The following NCF4 variants were observed in gnomAD, a reference collection of about 807,000 sequenced individuals.
NCF4 encodes the protein neutrophil cytosolic factor 4, also known as neutrophil cytosol factor 4.
In NCF4, 30 loss-of-function variants were observed where a neutral mutation model predicts 41.7. The ratio of observed to expected loss-of-function variants is 0.72; its 90% CI spans 0.54 to 0.97. The LOEUF is 0.97. NCF4 is among the 50% of genes least tolerant of loss of function. The pLI is 0.00. For missense variants in NCF4, 432 were observed against 460.9 expected, an observed-to-expected ratio of 0.94 and a Z score of 0.57; for synonymous variants, 195 against 175.8, an observed-to-expected ratio of 1.11 and a Z score of -0.87.
At position 36,865,529 on chromosome 22, in the gene NCF4, G is replaced by A. The variant is rs554367709; in HGVS notation, c.271+457G>A. Among the ~76,000 whole-genome samples the A allele has an allele frequency of 7.9e-5, 12 of 152,046 alleles. No individual in the cohort carries two copies. In the East Asian group the frequency reaches 9.7e-4, roughly 12 times the overall value. Reference sequence around the variant, plus strand: ...GTGGCTCTCCTTCTTCTCCTGTCCCGCCAGGAAGCTGGGTGGCCTCAAGCC... The same window carrying A: ...GTGGCTCTCCTTCTTCTCCTGTCCCACCAGGAAGCTGGGTGGCCTCAAGCC... On this transcript the variant is annotated intron_variant, in intron 3 of 9. Transcript: ENST00000248899. This position sits in a 1 kb window ranked among gnomAD's most constrained non-coding sequence, Gnocchi z 4.3.
rs147089818 is a variant in NCF4 at position 36,875,772 on chromosome 22, C to A, written c.747C>A (p.Ile249=). 9.7e-5 allele frequency: 156 copies of A among 1,614,158 alleles called. No individual in the cohort carries two copies. In the African/African-American group the frequency reaches 2.0e-3, roughly 20 times the overall value. The part of the protein sequence containing the change: ...WLRCYYYEDT[I]STIKDIAVEE... ...GTTGCTACTACTACGAAGACACCAT[C>A]AGCACCATCAAGTCTGTGGCCTGGG... Residue 249 remains isoleucine (I), a synonymous_variant, in exon 8 of 10, where the codon ATC becomes ATA. Transcript: ENST00000248899.
At chr22:36,863,581 T>C (rs1033190149) in intron 1 of NCF4, among the ~76,000 whole-genome samples, 11 of 7,418 alleles carry the variant, frequency 1.5e-3, no homozygotes, top group African/African-American at 0.011. Context: ...GCTCCAGCCA[T>C]GCTCAGCAAC....
At position 36,865,423 on chromosome 22, in the gene NCF4, T is replaced by G. The variant is rs1939904780; in HGVS notation, c.271+351T>G. Among the ~76,000 whole-genome samples, 1 of 152,056 alleles carries G rather than the reference T, an allele frequency of 6.6e-6. No homozygotes were observed. The highest frequency in any genetic ancestry group is 2.4e-5 in the African/African-American group (1 of 41,396). On this transcript the variant is annotated intron_variant, in intron 3 of 9. Coordinates refer to ENST00000248899, the MANE Select transcript of NCF4 (RefSeq NM_000631.5). This position sits in a 1 kb window ranked among gnomAD's most constrained non-coding sequence, Gnocchi z 4.3. Reference sequence around the variant, plus strand: ...CCCCCAGTCTGGTCCCTAAACACACTGACTCACCTCCCTGCCCACCCTCAG... The same window carrying G: ...CCCCCAGTCTGGTCCCTAAACACACGGACTCACCTCCCTGCCCACCCTCAG...
At position 36,867,494 on chromosome 22, in the gene NCF4, G is replaced by A. The variant is rs774185798; in HGVS notation, c.342+32G>A. The A allele has an allele frequency of 3.1e-6, 5 of 1,611,066 alleles. No homozygotes were observed. In the Admixed American group the frequency reaches 5.0e-5, roughly 16 times the overall value. ...GTGGGCCTTGCCACCTTGGCACGTG[G>A]AAGGGCATGCAGTATTGGTGGGGGA... On this transcript the variant is annotated intron_variant, in intron 4 of 9. Coordinates refer to ENST00000248899, the MANE Select transcript of NCF4 (RefSeq NM_000631.5).
intron 4 of NCF4, among the ~76,000 whole-genome samples, chr22:36,869,677 C>T (rs1308767722): frequency 3.9e-5 from 6 of 152,134 alleles, no homozygotes; most frequent in African/African-American, 1.2e-4. Flanking sequence ...TCTGGGTGCT[C>T]GCGTCCTCAC....
intron 3 of NCF4, among the ~76,000 whole-genome samples, chr22:36,866,422 C>T (rs1569111540): frequency 6.6e-6 from 1 of 152,194 alleles, no homozygotes; most frequent in African/African-American, 2.4e-5. Context: ...CTAGAGACTC[C>T]TTCAGCTTCT....
chr22:36,875,601 G>T, intron 7 of NCF4, 52 bp from the exon 8 acceptor site: 1 of 1,557,478 alleles, frequency 6.4e-7, no homozygotes. Context: ...CTGAGGCGTG[G>T]CTCTGCTGCC....
At position 36,877,677 on chromosome 22, in the gene NCF4, G is replaced by A. The variant is rs778435771; in HGVS notation, c.874G>A (p.Gly292Arg). 1.3e-5 allele frequency: 21 copies of A among 1,614,204 alleles called. No homozygotes were observed. Among genetic ancestry groups the A allele is most frequent in the Non-Finnish European group, 1.6e-5 (19 of 1,180,042 alleles). The change falls in exon 10 of 10, where the codon GGG becomes AGG. Residue 292 changes from glycine (G) to arginine (R), a missense_variant. Transcript: ENST00000248899. ...AGCTCTGAATTACCGGGACGCTGAGGGGGATCTGGTTCGGCTGCTGTCGGA... is the reference window on the plus strand; with the variant it reads ...AGCTCTGAATTACCGGGACGCTGAGAGGGATCTGGTTCGGCTGCTGTCGGA... ...DIALNYRDAE[G>R]DLVRLLSDED... is the part of the protein sequence containing the mutation.
Position 36,861,049 on chromosome 22 carries a change from T to C in NCF4, c.-123T>C. 1 of 1,349,262 alleles carries C rather than the reference T, an allele frequency of 7.4e-7. No individual in the cohort carries two copies. Among genetic ancestry groups the C allele is most frequent in the Non-Finnish European group, 1.0e-6 (1 of 964,100 alleles). The allele number at this position is 1,349,262 out of a possible 1,614,324, so 83.6% of individuals were successfully genotyped here. On this transcript the variant is annotated 5_prime_UTR_variant, in exon 1 of 10. Transcript: ENST00000248899. ...CCTGAGCCTCCCCAAAGGCAGCTCC[T>C]GGGGACTCCCAGGACCACAGGCTGA...
chr22:36,871,580 C>G (rs1337336652), intron 5 of NCF4, 72 bp from the exon 6 acceptor site: 2 of 1,498,510 alleles, frequency 1.3e-6, no homozygotes, highest in Non-Finnish European at 1.8e-6. Flanking sequence ...AGGGGCTCCT[C>G]TGGACACAGG....
At chr22:36,871,631 G>A in intron 5 of NCF4, 21 bp from the exon 6 acceptor site, 1 of 1,557,652 alleles carries the variant, frequency 6.4e-7, no homozygotes, top group Non-Finnish European at 8.7e-7. Context: ...GGGCTAACAA[G>A]CCCCTCTTCT....
intron 1 of NCF4, among the ~76,000 whole-genome samples, chr22:36,863,834 C>T (rs1939847154): frequency 6.6e-6 from 1 of 151,868 alleles, no homozygotes; most frequent in African/African-American, 2.4e-5. Flanking sequence ...GTATGGCCGC[C>T]AGCTTCCCAT....
chr22:36,867,335 T>C, intron 3 of NCF4, 57 bp from the exon 4 acceptor site: 1 of 1,593,038 alleles, frequency 6.3e-7, no homozygotes, highest in Admixed American at 1.7e-5. Context: ...GGGGCAGCCC[T>C]GAGCCCCGGG....
At chr22:36,872,247 A>G (rs755963362) in intron 6 of NCF4, 80 bp from the exon 7 acceptor site, 2 of 1,110,626 alleles carry the variant, frequency 1.8e-6, no homozygotes, top group Non-Finnish European at 1.4e-6. Flanking sequence ...GTAAAATGGG[A>G]GACTAAAGTA....
In NCF4 at chr22:36,872,454, G is replaced by C. The variant is rs765082654; in HGVS notation, c.627+29G>C. Reference sequence around the variant, plus strand: ...AGTTCAGAAGTGAGGATGGAGGTGAGATTGAAGGTGAGGTTGGAGGGAAAT... The same window carrying C: ...AGTTCAGAAGTGAGGATGGAGGTGACATTGAAGGTGAGGTTGGAGGGAAAT... On this transcript the variant is annotated intron_variant, in intron 7 of 9. Coordinates refer to ENST00000248899, the MANE Select transcript of NCF4 (RefSeq NM_000631.5). 8.5e-6 allele frequency: 13 copies of C among 1,521,244 alleles called. No individual in the cohort carries two copies. In the Admixed American group the frequency reaches 2.3e-4, roughly 27 times the overall value. 94.2% of individuals were successfully genotyped at this position (1,521,244 alleles called of 1,614,324 possible).
chr22:36,868,201 C>A (rs888547005), intron 4 of NCF4, among the ~76,000 whole-genome samples: 1 of 152,228 alleles, frequency 6.6e-6, no homozygotes, highest in African/African-American at 2.4e-5. Flanking sequence ...CCTCAGGAAG[C>A]TGGCAAGCGA....
intron 5 of NCF4, 46 bp downstream of exon 5, chr22:36,870,588 C>G (rs375505669): frequency 5.0e-6 from 8 of 1,602,862 alleles, no homozygotes; most frequent in Middle Eastern, 1.6e-4. Flanking sequence ...AGCCCTGGGT[C>G]CCTGCTGGAA....
intron 3 of NCF4, among the ~76,000 whole-genome samples, chr22:36,867,109 T>TTGTG (rs1348651932): frequency 2.2e-5 from 1 of 46,282 alleles, no homozygotes; most frequent in Non-Finnish European, 4.4e-5. Flanking sequence ...GAACTAAGAG[T>TTGTG]CGTGTGTGTG....
At position 36,876,102 on chromosome 22, in the gene NCF4, G is replaced by T. The variant is rs769313306; in HGVS notation, c.824+8G>T. The T allele has an allele frequency of 6.2e-7, 1 of 1,602,498 alleles. No homozygotes were observed. Among genetic ancestry groups the T allele is most frequent in the Non-Finnish European group, 8.5e-7 (1 of 1,173,188 alleles). Reference sequence around the variant, plus strand: ...CCTGCTGGAGCTCACAAGGTGAGGGGCTGGGAATGGGGCTGGGGAGTTAGA... The same window carrying T: ...CCTGCTGGAGCTCACAAGGTGAGGGTCTGGGAATGGGGCTGGGGAGTTAGA... On this transcript the variant is annotated splice_region_variant and intron_variant, in intron 9 of 9. Transcript: ENST00000248899.
Sources: gnomAD v4.1 joint callset for allele counts (sites outside exome capture counted in the v4.1 genomes callset) on GRCh38, gnomAD v4.1.1 for gene constraint, Gnocchi (gnomAD v3.1) non-coding constraint, MANE v1.5 for transcripts, NCBI Gene and HGNC (gene_info 2026-07-23, HGNC 2026-07-21) for gene names.